VDAC1: variants seen among roughly 807,000 people sequenced by gnomAD.
VDAC1 encodes the protein voltage dependent anion channel 1.
A neutral mutation model predicts 34.7 loss-of-function variants in VDAC1; 10 were observed. The ratio of observed to expected loss-of-function variants is 0.29; its 90% CI spans 0.18 to 0.49. The LOEUF is 0.49. Among genes scored for constraint, VDAC1 ranks in the 20% least tolerant of loss-of-function variants. The pLI is 0.99. For missense variants in VDAC1, 230 were observed against 347.9 expected (o/e 0.66, Z 2.69); for synonymous variants, 130 against 136.0 (o/e 0.96, Z 0.30).
At chr5:134,110,984 C>A in the VDAC1 span, among the ~76,000 whole-genome samples, 1 of 152,198 alleles carries the variant, frequency 6.6e-6, no homozygotes, top group Non-Finnish European at 1.5e-5. Context: ...AAAAATATCT[C>A]GTTCAAGAGC....
At chr5:133,997,790 G>A (rs948910105) in intron 1 of VDAC1, among the ~76,000 whole-genome samples, 4 of 144,922 alleles carry the variant, frequency 2.8e-5, no homozygotes, top group African/African-American at 7.7e-5. Flanking sequence ...ATAGCCGTGC[G>A]CAGTGGCTCA....
chr5:133,983,242 C>T (rs1197051632), intron 5 of VDAC1, among the ~76,000 whole-genome samples: 1 of 149,432 alleles, frequency 6.7e-6, no homozygotes, highest in Non-Finnish European at 1.5e-5. Flanking sequence ...GAGTGAAACT[C>T]CATCTTTAAA....
chr5:134,011,097 AAT>A, the VDAC1 span, among the ~76,000 whole-genome samples: 1 of 151,838 alleles, frequency 6.6e-6, no homozygotes, highest in Admixed American at 6.6e-5. Context: ...AACATTTTTT[AAT>A]ATGTTTCTTG....
chr5:134,052,156 A>G, the VDAC1 span, among the ~76,000 whole-genome samples: 7 of 152,086 alleles, frequency 4.6e-5, no homozygotes, highest in Non-Finnish European at 7.4e-5. Context: ...AGACAAAGAG[A>G]AATCTGAAGG....
intron 6 of VDAC1, 94 bp from the exon 7 acceptor site, chr5:133,976,115 CAG>C: frequency 6.7e-7 from 1 of 1,488,332 alleles, no homozygotes; most frequent in Non-Finnish European, 9.3e-7. Flanking sequence ...ACAGGGATGA[CAG>C]AAATGGACTG....
chr5:134,004,199 C>T (rs963751896), intron 1 of VDAC1, among the ~76,000 whole-genome samples: 6 of 152,070 alleles, frequency 3.9e-5, no homozygotes, highest in Non-Finnish European at 7.4e-5. Context: ...CCCGAGGCGG[C>T]AGCGTGGCCG....
intron 3 of VDAC1, among the ~76,000 whole-genome samples, chr5:133,992,077 A>G (rs1214620984): frequency 6.6e-6 from 1 of 152,142 alleles, no homozygotes; most frequent in Non-Finnish European, 1.5e-5. Flanking sequence ...TCTCTATTAA[A>G]AATACAAAAT....
At chr5:134,026,516 GAAAAAAAAAA>G in the VDAC1 span, among the ~76,000 whole-genome samples, 1 of 72,334 alleles carries the variant, frequency 1.4e-5, no homozygotes, top group African/African-American at 5.4e-5. Flanking sequence ...CTCCGTCTCA[GAAAAAAAAAA>G]AAAAAAAAAA....
the VDAC1 span, among the ~76,000 whole-genome samples, chr5:134,035,204 A>G: frequency 6.6e-6 from 1 of 152,144 alleles, no homozygotes; most frequent in African/African-American, 2.4e-5. Context: ...GGAATTAAGG[A>G]TGTGCTAAAC....
chr5:134,092,973 C>A, the VDAC1 span, among the ~76,000 whole-genome samples: 4 of 152,328 alleles, frequency 2.6e-5, no homozygotes, highest in South Asian at 8.3e-4. Context: ...CCAAAGACAC[C>A]TGCAGCAAAG....
the VDAC1 span, among the ~76,000 whole-genome samples, chr5:134,085,960 A>C: frequency 6.6e-6 from 1 of 152,240 alleles, no homozygotes; most frequent in Admixed American, 6.5e-5. Flanking sequence ...TTAGAGTCCA[A>C]GGCGTGTGGA....
chr5:134,073,051 C>T, the VDAC1 span, among the ~76,000 whole-genome samples: 2 of 152,168 alleles, frequency 1.3e-5, no homozygotes, highest in Admixed American at 1.3e-4. Flanking sequence ...CAGGCTATGT[C>T]AAGAGTCAAG....
chr5:134,085,797 A>G, the VDAC1 span, among the ~76,000 whole-genome samples: 1 of 149,278 alleles, frequency 6.7e-6, no homozygotes, highest in Non-Finnish European at 1.5e-5. Context: ...AGTCCCAATC[A>G]CTCGAGAGGC....
chr5:134,039,582 G>A, the VDAC1 span, among the ~76,000 whole-genome samples: 5 of 152,168 alleles, frequency 3.3e-5, no homozygotes, highest in African/African-American at 7.2e-5. Context: ...GCCCGCCTTG[G>A]CCTCCCAAAG....
chr5:134,039,466 C>T, the VDAC1 span, among the ~76,000 whole-genome samples: 1 of 151,986 alleles, frequency 6.6e-6, no homozygotes, highest in East Asian at 1.9e-4. Flanking sequence ...GTAGCTGGGA[C>T]TACAGGCTCC....
At chr5:134,075,843 C>G in the VDAC1 span, among the ~76,000 whole-genome samples, 2 of 152,330 alleles carry the variant, frequency 1.3e-5, no homozygotes, top group Admixed American at 6.5e-5. Flanking sequence ...CCTCAGCCTC[C>G]CAAAGTGCTG....
At chr5:134,094,521 C>A in the VDAC1 span, among the ~76,000 whole-genome samples, 1 of 152,026 alleles carries the variant, frequency 6.6e-6, no homozygotes, top group African/African-American at 2.4e-5. Flanking sequence ...CACGATAAAA[C>A]CCTGTCTCCA....
the VDAC1 span, among the ~76,000 whole-genome samples, chr5:134,039,303 ATGG>A: frequency 6.6e-6 from 1 of 152,104 alleles, no homozygotes; most frequent in Non-Finnish European, 1.5e-5. Flanking sequence ...CTGGTCTGGA[ATGG>A]CCCCCGACAT....
At chr5:134,002,826 G>A (rs987575884) in intron 1 of VDAC1, among the ~76,000 whole-genome samples, 9 of 152,188 alleles carry the variant, frequency 5.9e-5, no homozygotes, top group Middle Eastern at 6.8e-3. Flanking sequence ...TTAGCCAGGC[G>A]TGGTGGTGTG....
Sources: gnomAD v4.1 joint callset for allele counts (sites outside exome capture counted in the v4.1 genomes callset) on GRCh38, gnomAD v4.1.1 for gene constraint, MANE v1.5 for transcripts, NCBI Gene and HGNC (gene_info 2026-07-23, HGNC 2026-07-21) for gene names.